Variants in NPSR1 observed in about 807,000 individuals in gnomAD.
NPSR1 encodes the protein neuropeptide S receptor.
A neutral mutation model predicts 46.9 loss-of-function variants in NPSR1; 48 were observed. The ratio of observed to expected loss-of-function variants is 1.02; its 90% CI spans 0.81 to 1.30. The LOEUF (loss-of-function observed/expected upper bound fraction) is 1.30, where lower values mean the gene tolerates loss of function less well. Ranked by LOEUF, NPSR1 falls within the 50% of genes most tolerant of loss-of-function variation. The pLI, the probability that NPSR1 is intolerant of heterozygous loss-of-function variation, is 0.00. For missense variants in NPSR1, 450 were observed against 449.5 expected (o/e 1.00, Z -0.01); for synonymous variants, 176 against 168.1 (o/e 1.05, Z -0.36).
At chr7:34,861,228 G>T (rs577025058) in intron 8 of NPSR1, among the ~76,000 whole-genome samples, 2 of 152,084 alleles carry the variant, frequency 1.3e-5, no homozygotes, top group South Asian at 2.1e-4. Context: ...GATGGCATTT[G>T]CCAGGGTTCT....
intron 3 of NPSR1, among the ~76,000 whole-genome samples, chr7:34,798,378 T>C (rs1164377893): frequency 6.6e-6 from 1 of 151,844 alleles, no homozygotes; most frequent in Non-Finnish European, 1.5e-5. Flanking sequence ...CTACTAAAAA[T>C]ACAAAAATAG....
At chr7:34,790,974 TTATATGTTATATTATATATGTTA>T (rs1297143511) in intron 3 of NPSR1, among the ~76,000 whole-genome samples, 286 of 72,066 alleles carry the variant, frequency 4.0e-3, no homozygotes, top group Admixed American at 7.7e-3. Flanking sequence ...ATTATATATG[TTATATGTTATATTATATATGTTA>T]TATGTTATAT....
At chr7:34,743,728 T>C (rs917883005) in intron 2 of NPSR1, among the ~76,000 whole-genome samples, 1 of 152,222 alleles carries the variant, frequency 6.6e-6, no homozygotes, top group Non-Finnish European at 1.5e-5. Context: ...TATCTCATTA[T>C]GATCAACAAA....
chr7:34,801,833 A>G (rs1275268899), intron 3 of NPSR1, among the ~76,000 whole-genome samples: 1 of 149,424 alleles, frequency 6.7e-6, no homozygotes, highest in African/African-American at 2.6e-5. Flanking sequence ...CTCAGCCCCA[A>G]ATCTCCTTAA....
intron 2 of NPSR1, among the ~76,000 whole-genome samples, chr7:34,765,299 G>C (rs1378235634): frequency 6.6e-6 from 1 of 152,142 alleles, no homozygotes; most frequent in East Asian, 1.9e-4. Context: ...AACAGCCAAA[G>C]CAATCAACAG....
chr7:34,695,785 T>C (rs748503162), intron 2 of NPSR1, among the ~76,000 whole-genome samples: 12 of 151,996 alleles, frequency 7.9e-5, no homozygotes, highest in Non-Finnish European at 1.6e-4. Context: ...ATGGCTATTA[T>C]TAAAAAATCA....
rs1290611802 is a variant in NPSR1 at position 34,751,997 on chromosome 7, G to A, written c.281-26465G>A. 2.5e-5 allele frequency: 21 copies of A among 846,096 alleles called. 1 individual carries two copies. The highest frequency in any genetic ancestry group is 1.1e-4 in the South Asian group (8 of 71,900). The allele number at this position is 846,096 out of a possible 1,614,324, so 52.4% of individuals were successfully genotyped here. Reference sequence around the variant, plus strand: ...TCTTTCTACTGTCAGAGATGTTGGCGATGGCATGGCACACCTGCTGGGCCA... The same window carrying A: ...TCTTTCTACTGTCAGAGATGTTGGCAATGGCATGGCACACCTGCTGGGCCA... On this transcript the variant is annotated intron_variant, in intron 2 of 8. Transcript: ENST00000360581.
At chr7:34,829,567 C>A (rs778457677) in intron 5 of NPSR1, among the ~76,000 whole-genome samples, 21 of 152,162 alleles carry the variant, frequency 1.4e-4, no homozygotes, top group Non-Finnish European at 2.2e-4. Context: ...CCTGGCTTCA[C>A]TGCTGATTGA....
intron 2 of NPSR1, among the ~76,000 whole-genome samples, chr7:34,725,425 T>C (rs188654345): frequency 7.9e-5 from 12 of 152,310 alleles, no homozygotes; most frequent in African/African-American, 2.9e-4. Flanking sequence ...AGTGTTGGTT[T>C]TGAGACATCT....
intron 2 of NPSR1, among the ~76,000 whole-genome samples, chr7:34,764,068 G>T (rs1469350401): frequency 5.9e-5 from 9 of 151,842 alleles, no homozygotes; most frequent in Admixed American, 5.9e-4. Context: ...AACCCAAACT[G>T]GAAATTATAA....
At chr7:34,680,833 T>C (rs1792591577) in intron 1 of NPSR1, among the ~76,000 whole-genome samples, 1 of 152,094 alleles carries the variant, frequency 6.6e-6, no homozygotes, top group African/African-American at 2.4e-5. Context: ...GTATAAGTGG[T>C]AACAGTAAAT....
chr7:34,763,368 A>G (rs1786267597), intron 2 of NPSR1, among the ~76,000 whole-genome samples: 1 of 152,224 alleles, frequency 6.6e-6, no homozygotes, highest in Non-Finnish European at 1.5e-5. Flanking sequence ...CAATCAAGCA[A>G]CAGCAGTAAT....
At chr7:34,836,758 G>T (rs1346769297) in intron 6 of NPSR1, among the ~76,000 whole-genome samples, 2 of 150,528 alleles carry the variant, frequency 1.3e-5, no homozygotes, top group Non-Finnish European at 3.0e-5. Flanking sequence ...GAGAGGCGGG[G>T]GGGAAGAAAG....
At chr7:34,675,567 C>T (rs79212690) in intron 1 of NPSR1, among the ~76,000 whole-genome samples, 1 of 152,194 alleles carries the variant, frequency 6.6e-6, no homozygotes, top group East Asian at 1.9e-4. Context: ...TATTAAGCAC[C>T]TTCTACGGGC....
At chr7:34,751,412 G>T in intron 2 of NPSR1, 1 of 1,037,938 alleles carries the variant, frequency 9.6e-7, no homozygotes, top group Non-Finnish European at 1.5e-6. Flanking sequence ...AGCAAGAGTG[G>T]AACAAAGGCA....
At chr7:34,710,460 A>G (rs1027021047) in intron 2 of NPSR1, among the ~76,000 whole-genome samples, 1 of 152,206 alleles carries the variant, frequency 6.6e-6, no homozygotes, top group Non-Finnish European at 1.5e-5. Flanking sequence ...AAGAGTTTCA[A>G]AGAAGGTAAA....
At chr7:34,724,313 C>G (rs1006070370) in intron 2 of NPSR1, among the ~76,000 whole-genome samples, 2 of 152,178 alleles carry the variant, frequency 1.3e-5, no homozygotes, top group South Asian at 4.1e-4. Context: ...ATAAGTTTCT[C>G]CCTAGAGTTT....
At chr7:34,870,476 T>C (rs947633194) in intron 8 of NPSR1, among the ~76,000 whole-genome samples, 2 of 151,794 alleles carry the variant, frequency 1.3e-5, no homozygotes, top group African/African-American at 2.4e-5. Flanking sequence ...CCATGGGATA[T>C]TTAGGTATAG....
At position 34,827,397 on chromosome 7, in the gene NPSR1, G is replaced by T. The variant is rs746084583; in HGVS notation, c.479-4G>T. 5.0e-6 allele frequency: 8 copies of T among 1,613,724 alleles called. No homozygotes were observed. In the South Asian group the frequency reaches 8.8e-5, roughly 18 times the overall value. ...CCAGACATTCCTCTCTTTTCTTTGG[G>T]CAGAAAAGCAAGCCAGGGTCCTCAT... On this transcript the variant is annotated splice_polypyrimidine_tract_variant and splice_region_variant and intron_variant, in intron 4 of 8. Transcript: ENST00000360581.
Sources: gnomAD v4.1 joint callset for allele counts (sites outside exome capture counted in the v4.1 genomes callset) on GRCh38, gnomAD v4.1.1 for gene constraint, MANE v1.5 for transcripts, NCBI Gene and HGNC (gene_info 2026-07-23, HGNC 2026-07-21) for gene names.